C11orf65: variants seen among roughly 807,000 people sequenced by gnomAD.
C11orf65 encodes the protein protein MFI.
Under a neutral mutation model 35.3 loss-of-function variants are expected in C11orf65, and 38 were observed. The ratio of observed to expected loss-of-function variants is 1.08; its 90% CI spans 0.83 to 1.41. C11orf65 has a LOEUF of 1.41. Among genes scored for constraint, C11orf65 ranks in the 40% most tolerant of loss-of-function variants. The pLI, the probability that C11orf65 is intolerant of heterozygous loss-of-function variation, is 0.00. For missense variants in C11orf65, 370 were observed against 367.1 expected, an observed-to-expected ratio of 1.01 and a Z score of -0.06; for synonymous variants, 105 against 114.4, an observed-to-expected ratio of 0.92 and a Z score of 0.53.
At chr11:108,447,204 G>T (rs965866410) in intron 2 of C11orf65, among the ~76,000 whole-genome samples, 1 of 152,066 alleles carries the variant, frequency 6.6e-6, no homozygotes, top group Non-Finnish European at 1.5e-5. Flanking sequence ...ACACCCCACT[G>T]TCAACATTAG....
intron 2 of C11orf65, chr11:108,366,199 T>C: frequency 5.1e-6 from 1 of 195,650 alleles, no homozygotes; most frequent in Non-Finnish European, 1.1e-5. Flanking sequence ...TCTTTATCTT[T>C]TAAGCCCTTC....
intron 3 of C11orf65, among the ~76,000 whole-genome samples, chr11:108,428,533 C>T (rs2092940845): frequency 6.6e-6 from 1 of 152,054 alleles, no homozygotes; most frequent in Non-Finnish European, 1.5e-5. Context: ...AAGCTGGAAA[C>T]CATCATTCTC....
At chr11:108,327,462 T>A (rs2085785260), downstream of C11orf65, 1 of 563,632 alleles carries the variant, frequency 1.8e-6, no homozygotes, top group South Asian at 2.0e-5. Context: ...AAACAGAGGA[T>A]GATCATTTCC....
Position 108,315,888 on chromosome 11 carries a change from G to C in C11orf65, c.641-6817C>G, listed in dbSNP as rs1591777129. 2.5e-6 allele frequency: 4 copies of C among 1,612,620 alleles called. No homozygotes were observed. The highest frequency in any genetic ancestry group is 3.4e-6 in the Non-Finnish European group (4 of 1,178,666). Reference sequence around the variant, plus strand: ...ATAGTTTGTATGGCTGTGGTGGAGGGAAGATGTTACAACCCATTACTAGGT... The same window carrying C: ...ATAGTTTGTATGGCTGTGGTGGAGGCAAGATGTTACAACCCATTACTAGGT... On this transcript the variant is annotated intron_variant, in intron 6 of 6. Coordinates refer to the C11orf65 transcript ENST00000525729.
At chr11:108,429,918 C>T (rs964402688) in intron 3 of C11orf65, among the ~76,000 whole-genome samples, 1 of 152,104 alleles carries the variant, frequency 6.6e-6, no homozygotes, top group African/African-American at 2.4e-5. Flanking sequence ...TATAATTCCA[C>T]TCCTATGAGG....
intron 6 of C11orf65, among the ~76,000 whole-genome samples, chr11:108,317,848 C>T (rs7942747): frequency 0.051 from 7,736 of 151,450 alleles, 673 homozygotes; most frequent in African/African-American, 0.18. Context: ...GACAACTTCA[C>T]CCCACCCCTA....
intron 2 of C11orf65, among the ~76,000 whole-genome samples, chr11:108,442,530 C>G (rs1160689539): frequency 6.6e-6 from 1 of 152,146 alleles, no homozygotes; most frequent in Non-Finnish European, 1.5e-5. Flanking sequence ...TTGTCAGATT[C>G]ACCAAAGTTG....
At chr11:108,459,220 G>A (rs1160016786) in intron 2 of C11orf65, among the ~76,000 whole-genome samples, 1 of 152,172 alleles carries the variant, frequency 6.6e-6, no homozygotes, top group Admixed American at 6.5e-5. Flanking sequence ...AGCTTTCTCA[G>A]ATAGTTCATT....
downstream of C11orf65, among the ~76,000 whole-genome samples, chr11:108,380,213 C>T (rs1215034639): frequency 6.6e-6 from 1 of 152,184 alleles, no homozygotes; most frequent in Non-Finnish European, 1.5e-5. Flanking sequence ...CTTACTACAG[C>T]TCCACTTAGG....
intron 1 of C11orf65, among the ~76,000 whole-genome samples, chr11:108,466,646 T>A (rs751356395): frequency 6.6e-6 from 1 of 152,212 alleles, no homozygotes; most frequent in Admixed American, 6.5e-5. Context: ...TGAAGTATTT[T>A]ACTACACCCA....
intron 2 of C11orf65, among the ~76,000 whole-genome samples, chr11:108,445,797 G>A (rs12292677): frequency 0.026 from 4,000 of 151,768 alleles, 194 homozygotes; most frequent in African/African-American, 0.091. Flanking sequence ...GCTGAGAGAA[G>A]AAGGCTTCAG....
chr11:108,363,152 T>G (rs1459529105), intron 2 of C11orf65, among the ~76,000 whole-genome samples: 1 of 152,160 alleles, frequency 6.6e-6, no homozygotes, highest in Non-Finnish European at 1.5e-5. Flanking sequence ...CTTTCTGCCT[T>G]CAGCTTTAGG....
chr11:108,331,729 C>A, intron 3 of C11orf65: 1 of 1,265,946 alleles, frequency 7.9e-7, no homozygotes, highest in Non-Finnish European at 1.1e-6. Flanking sequence ...TCCTCATAGG[C>A]CTCTGCCTTT....
At chr11:108,326,301 A>C in intron 6 of C11orf65, 2 of 1,534,692 alleles carry the variant, frequency 1.3e-6, no homozygotes, top group Non-Finnish European at 1.8e-6. Flanking sequence ...AAATATTTTT[A>C]ATAACAATTT....
Position 108,386,994 on chromosome 11 carries a change from C to T in C11orf65, c.732-1019G>A, listed in dbSNP as rs902208327. 1.3e-4 allele frequency among the ~76,000 whole-genome samples: 20 copies of T among 151,386 alleles called. No homozygotes were observed. The East Asian group carries it at 1.6e-3, about 12-fold the overall frequency. ...TACTCGGGAGGCTGAGGCAGGAGAA[C>T]GGCCTAAAACCTGGGAGGTGGAGCT... On this transcript the variant is annotated intron_variant, in intron 7 of 8. Coordinates refer to ENST00000393084, the MANE Select transcript of C11orf65 (RefSeq NM_152587.5).
intron 6 of C11orf65, 27 bp from the exon 7 acceptor site, chr11:108,393,405 T>A (rs746337744): frequency 1.3e-6 from 2 of 1,592,826 alleles, no homozygotes; most frequent in African/African-American, 2.7e-5. Flanking sequence ...GAAAGAGAAG[T>A]AAATCTTTTG....
At position 108,448,629 on chromosome 11, in the gene C11orf65, G is replaced by A. The variant is rs370708147; in HGVS notation, c.81+12850C>T. 1.1e-3 allele frequency among the ~76,000 whole-genome samples: 167 copies of A among 152,154 alleles called. 1 individual carries two copies. The highest frequency in any genetic ancestry group is 4.4e-3 in the East Asian group (23 of 5,184). On this transcript the variant is annotated intron_variant, in intron 2 of 8. Transcript: ENST00000393084. ...TCAATAATTTAGGTATTGATGGGAC[G>A]TATCTCAAAATAATAAGAGATATCT... is the stretch of plus-strand genomic sequence containing the variant.
intron 3 of C11orf65, among the ~76,000 whole-genome samples, chr11:108,409,575 C>G (rs898118750): frequency 1.3e-5 from 2 of 152,084 alleles, no homozygotes; most frequent in African/African-American, 4.8e-5. Flanking sequence ...GCAGTGGCAG[C>G]AAGCCACAGC....
downstream of C11orf65, among the ~76,000 whole-genome samples, chr11:108,381,236 C>T (rs1346816968): frequency 6.6e-6 from 1 of 152,138 alleles, no homozygotes; most frequent in Non-Finnish European, 1.5e-5. Context: ...CTCACCACTA[C>T]TCTCAGTGAT....
Sources: allele counts gnomAD v4.1 joint callset (sites outside exome capture counted in the v4.1 genomes callset), GRCh38; gene constraint gnomAD v4.1.1; transcripts MANE v1.5; gene names NCBI Gene and HGNC (gene_info 2026-07-23, HGNC 2026-07-21).